Variants in NABP2 observed in about 807,000 individuals in gnomAD.
NABP2 encodes SOSS complex subunit B1.
A neutral mutation model predicts 22.7 loss-of-function variants in NABP2; 7 were observed. The ratio of observed to expected loss-of-function variants is 0.31; its 90% CI spans 0.18 to 0.58. NABP2 has a LOEUF of 0.58. NABP2 is among the 20% of genes least tolerant of loss of function. NABP2 has a pLI of 0.89. For missense variants in NABP2, 188 were observed against 265.9 expected (o/e 0.71, Z 2.04); for synonymous variants, 107 against 99.2 (o/e 1.08, Z -0.47).
chr12:56,225,293 T>C, intron 2 of NABP2, 80 bp from the exon 3 acceptor site: 3 of 1,570,050 alleles, frequency 1.9e-6, no homozygotes, highest in Non-Finnish European at 2.6e-6. Context: ...ATTCCACCAA[T>C]ATCCACATCT....
intron 4 of NABP2, 27 bp downstream of exon 4, chr12:56,225,722 G>A (rs1454743131): frequency 6.2e-7 from 1 of 1,612,684 alleles, no homozygotes; most frequent in South Asian, 1.1e-5. Flanking sequence ...GGATTGGGAT[G>A]AAGAAGCACC....
chr12:56,225,437 C>A lies in NABP2; in HGVS notation c.144C>A (p.Gly48=). 6.2e-7 allele frequency: 1 copy of A among 1,614,222 alleles called. No homozygotes were observed. Among genetic ancestry groups the A allele is most frequent in the Non-Finnish European group, 8.5e-7 (1 of 1,180,046 alleles). ...CCTGCAAAGTGGCGGACAAAACAGGCAGCATCAATATCTCTGTCTGGGACG... is the reference window on the plus strand; with the variant it reads ...CCTGCAAAGTGGCGGACAAAACAGGAAGCATCAATATCTCTGTCTGGGACG... ...VRTCKVADKT[G]SINISVWDDV... is the part of the protein sequence containing the mutation. The change falls in exon 3 of 7, where the codon GGC becomes GGA. Residue 48 remains glycine, a synonymous_variant. Transcript: ENST00000267023.
chr12:56,225,815 T>TTG, intron 4 of NABP2, 120 bp downstream of exon 4: 1 of 1,129,112 alleles, frequency 8.9e-7, no homozygotes, highest in Non-Finnish European at 1.3e-6. Flanking sequence ...GTTTGTTTGT[T>TTG]TGTTTTGAGA....
chr12:56,225,303 T>A (rs543025251), intron 2 of NABP2, 70 bp from the exon 3 acceptor site: 1 of 1,595,180 alleles, frequency 6.3e-7, no homozygotes, highest in African/African-American at 1.3e-5. Context: ...TATCCACATC[T>A]CATCCTTCTG....
Position 56,224,426 on chromosome 12 carries a change from C to T in NABP2, c.-39C>T. ...GGGCTGCTCAGCGGCGTGCACAGTC[C>T]TGCCGGCTGGCTTGGGTGGGTGGTG... On this transcript the variant is annotated 5_prime_UTR_variant, in exon 1 of 7. Coordinates refer to ENST00000267023, the MANE Select transcript of NABP2 (RefSeq NM_024068.4). 1 of 1,027,098 alleles carries T rather than the reference C, an allele frequency of 9.7e-7. No individual in the cohort carries two copies. The highest frequency in any genetic ancestry group is 1.2e-6 in the Non-Finnish European group (1 of 850,504). 63.6% of individuals were successfully genotyped at this position (1,027,098 alleles called of 1,614,324 possible).
chr12:56,227,690 C>T (rs1016636416), intron 6 of NABP2, among the ~76,000 whole-genome samples: 1 of 151,938 alleles, frequency 6.6e-6, no homozygotes, highest in Non-Finnish European at 1.5e-5. Flanking sequence ...GGTGCACACC[C>T]ATCATCCTAG....
Position 56,224,923 on chromosome 12 carries a change from G to T in NABP2, c.67G>T (p.Val23Leu). The T allele has an allele frequency of 6.2e-7, 1 of 1,611,104 alleles. No homozygotes were observed. Among genetic ancestry groups the T allele is most frequent in the Non-Finnish European group, 8.5e-7 (1 of 1,178,062 alleles). Residue 23 changes from valine (V) to leucine (L), a missense_variant, in exon 2 of 7, where the codon GTG becomes TTG. Transcript: ENST00000267023. ...GLKNLNLIFI[V>L]LETGRVTKTK... ...CAAGAATCTGAACCTTATCTTCATT[G>T]TGCTGGAGACAGGTGTCTATACTGG...
rs1317086433 is a variant in NABP2 at position 56,229,051 on chromosome 12, A to T, written c.474A>T (p.Pro158=). 3 of 1,612,136 alleles carry T rather than the reference A, an allele frequency of 1.9e-6. No homozygotes were observed. Among genetic ancestry groups the T allele is most frequent in the Non-Finnish European group, 8.5e-7 (1 of 1,179,286 alleles). Residue 158 remains proline (P), a synonymous_variant, in exon 7 of 7, where the codon CCA becomes CCT. Coordinates refer to ENST00000267023, the MANE Select transcript of NABP2 (RefSeq NM_024068.4). ...AGAATGGGAATGGACTGAGTGCCCC[A>T]CCAGGTCCCGGTGGTGGCCCACATC... ...ENQNGNGLSA[P]PGPGGGPHPP... is the part of the protein sequence containing the mutation.
intron 4 of NABP2, 152 bp from the exon 5 acceptor site, chr12:56,226,027 C>A (rs1381994129): frequency 2.8e-6 from 2 of 708,548 alleles, no homozygotes. Flanking sequence ...GTCCCAAACT[C>A]CTGGGCTGAA....
chr12:56,224,575 G>A (rs1269654706), intron 1 of NABP2, 134 bp downstream of exon 1: 1 of 1,226,764 alleles, frequency 8.2e-7, no homozygotes, highest in African/African-American at 1.5e-5. Context: ...GTCTACGTCG[G>A]CTCCGCCACT....
At chr12:56,223,224 G>C (rs1267861446), upstream of NABP2, among the ~76,000 whole-genome samples, 2 of 152,098 alleles carry the variant, frequency 1.3e-5, no homozygotes, top group Non-Finnish European at 2.9e-5. Flanking sequence ...CTGGGCGACA[G>C]AGCAAGACTC....
rs756953690 is a variant in NABP2 at position 56,225,669 on chromosome 12, T to G, written c.264T>G (p.Arg88=). 2.6e-5 allele frequency: 42 copies of G among 1,613,886 alleles called. No homozygotes were observed. In the African/African-American group the frequency reaches 4.7e-4, roughly 18 times the overall value. The change falls in exon 4 of 7, where the codon CGT becomes CGG. Residue 88 remains arginine, a synonymous_variant. Transcript: ENST00000267023. ...FKGCLTLYTG[R]GGDLQKIGEF... is the part of the protein sequence containing the mutation. The stretch of plus-strand genomic sequence containing the variant: ...GTTGTCTGACACTATATACTGGCCG[T>G]GGGGGTGATCTGCAGAAGATTGGAG...
upstream of NABP2, among the ~76,000 whole-genome samples, chr12:56,222,427 G>A (rs1869533703): frequency 6.6e-6 from 1 of 152,162 alleles, no homozygotes; most frequent in African/African-American, 2.4e-5. Flanking sequence ...TTAGATCTGG[G>A]GTGCTCAACG....
chr12:56,229,395 C>T lies in NABP2; in HGVS notation c.*182C>T, dbSNP rs1316064008. ...CTCATTGTCCAGCTGAACTACCTGT[C>T]CCCTGGGAGTCAGGACCCTCTGCCT... On this transcript the variant is annotated 3_prime_UTR_variant, in exon 7 of 7. Coordinates refer to ENST00000267023, the MANE Select transcript of NABP2 (RefSeq NM_024068.4). 6 of 643,888 alleles carry T rather than the reference C, an allele frequency of 9.3e-6. No homozygotes were observed. Among genetic ancestry groups the T allele is most frequent in the Non-Finnish European group, 5.3e-6 (2 of 374,558 alleles). 39.9% of individuals were successfully genotyped at this position (643,888 alleles called of 1,614,324 possible).
upstream of NABP2, among the ~76,000 whole-genome samples, chr12:56,224,142 C>T (rs1869642351): frequency 6.6e-6 from 1 of 152,226 alleles, no homozygotes; most frequent in African/African-American, 2.4e-5. Context: ...GGGCCCTGTG[C>T]GCCTTCTAGT....
chr12:56,228,881 G>T, intron 6 of NABP2, 133 bp from the exon 7 acceptor site: 1 of 778,926 alleles, frequency 1.3e-6, no homozygotes, highest in Non-Finnish European at 2.1e-6. Context: ...TTTTGCATTT[G>T]GTCCAGTTGG....
At chr12:56,224,999 T>A (rs1370779245) in intron 2 of NABP2, 64 bp downstream of exon 2, 20 of 1,220,362 alleles carry the variant, frequency 1.6e-5, no homozygotes, top group Non-Finnish European at 2.4e-5. Context: ...AAGAACGCTG[T>A]CTGCGTTCTT....
upstream of NABP2, among the ~76,000 whole-genome samples, chr12:56,223,313 G>C (rs1433513976): frequency 6.6e-6 from 1 of 152,118 alleles, no homozygotes; most frequent in East Asian, 1.9e-4. Context: ...TGTAATCCTA[G>C]CACTTTGGGA....
chr12:56,226,836 G>C (rs557316487), intron 6 of NABP2, among the ~76,000 whole-genome samples: 2 of 149,108 alleles, frequency 1.3e-5, no homozygotes, highest in Admixed American at 1.4e-4. Context: ...TGATTCTCCT[G>C]TCTCGGCCTC....
Sources: allele counts gnomAD v4.1 joint callset (sites outside exome capture counted in the v4.1 genomes callset), GRCh38; gene constraint gnomAD v4.1.1; transcripts MANE v1.5; gene names NCBI Gene and HGNC (gene_info 2026-07-23, HGNC 2026-07-21).